REST: variants seen among roughly 807,000 people sequenced by gnomAD.
REST encodes the protein RE1-silencing transcription factor.
REST carries 1 observed loss-of-function variant against 30.4 expected under a neutral mutation model. That is an observed-to-expected ratio of 0.03 (90% confidence interval 0.01 to 0.16). The LOEUF is 0.16. REST is among the 10% of genes least tolerant of loss of function. The pLI is 1.00. For synonymous variants in REST, 504 were observed against 451.1 expected, an observed-to-expected ratio of 1.12 and a Z score of -1.49; for missense variants, 1,259 against 1,329.5, an observed-to-expected ratio of 0.95 and a Z score of 0.82.
chr4:56,908,607 G>A (rs1719733930), intron 1 of REST, among the ~76,000 whole-genome samples: 1 of 152,122 alleles, frequency 6.6e-6, no homozygotes, highest in Non-Finnish European at 1.5e-5. Context: ...GGGTCCCACC[G>A]CAGCCCCGCG....
chr4:56,913,577 G>A (rs1720032871), intron 2 of REST, among the ~76,000 whole-genome samples: 1 of 152,132 alleles, frequency 6.6e-6, no homozygotes, highest in Admixed American at 6.5e-5. Flanking sequence ...TGACAGGACT[G>A]AACCCCACTG....
In REST at chr4:56,930,210, C is replaced by T; in HGVS notation, c.1352C>T (p.Thr451Ile). Residue 451 changes from threonine (T) to isoleucine (I), a missense_variant, in exon 4 of 4, where the codon ACA (threonine) becomes ATA (isoleucine). Thr to Ile is a moderately conservative substitution (Grantham distance 89). Transcript: ENST00000309042. Reference protein sequence around the residue: ...ITNEKTEIEQTKIKGDVAGKK... With the variant: ...ITNEKTEIEQIKIKGDVAGKK... Reference sequence around the variant, plus strand: ...AATGAAAAAACAGAAATAGAACAAACAAAAATAAAAGGGGATGTGGCTGGA... The same window carrying T: ...AATGAAAAAACAGAAATAGAACAAATAAAAATAAAAGGGGATGTGGCTGGA... The T allele has an allele frequency of 2.5e-6, 4 of 1,605,756 alleles. No homozygotes were observed. The highest frequency in any genetic ancestry group is 3.4e-6 in the Non-Finnish European group (4 of 1,178,180).
intron 2 of REST, among the ~76,000 whole-genome samples, chr4:56,916,750 C>T (rs1451350166): frequency 2.6e-5 from 4 of 152,168 alleles, no homozygotes; most frequent in Non-Finnish European, 5.9e-5. Context: ...ATATGCAGTT[C>T]ACTATATATT....
chr4:56,912,657 G>C (rs988976334), intron 2 of REST, among the ~76,000 whole-genome samples: 3 of 152,068 alleles, frequency 2.0e-5, no homozygotes, highest in African/African-American at 7.2e-5. Flanking sequence ...TGGGACTATA[G>C]GTGCCCACCA....
chr4:56,929,452 C>T (rs6826911), intron 3 of REST, among the ~76,000 whole-genome samples: 3,962 of 152,234 alleles, frequency 0.026, 187 homozygotes, highest in African/African-American at 0.091. Context: ...TGCACCTGGC[C>T]AGAATTTTAT....
intron 3 of REST, 64 bp downstream of exon 3, chr4:56,919,934 T>C: frequency 1.3e-6 from 1 of 782,872 alleles, no homozygotes. Context: ...GAAATTCTTT[T>C]AGACTTGTAA....
At chr4:56,925,538 C>G (rs971737809) in intron 3 of REST, among the ~76,000 whole-genome samples, 1 of 152,082 alleles carries the variant, frequency 6.6e-6, no homozygotes, top group African/African-American at 2.4e-5. Context: ...ATTTTTGATA[C>G]GTATGTGTAA....
chr4:56,924,189 T>C (rs1331867260), intron 3 of REST, among the ~76,000 whole-genome samples: 2 of 152,196 alleles, frequency 1.3e-5, no homozygotes, highest in East Asian at 1.9e-4. Context: ...GTTGATAACG[T>C]TGGTGCCAAG....
At chr4:56,910,503 A>C (rs1719843402) in intron 1 of REST, 127 bp from the exon 2 acceptor site, 1 of 715,910 alleles carries the variant, frequency 1.4e-6, no homozygotes, top group African/African-American at 1.8e-5. Flanking sequence ...TAGGCGATGA[A>C]GTTTACTGAG....
Position 56,931,367 on chromosome 4 carries a change from C to T in REST, c.2509C>T (p.Leu837Phe). The stretch of plus-strand genomic sequence containing the variant: ...TGAAAGGGCACGGAAGGAGCAAGTC[C>T]TTATTGAAGTTGGCTTAGTGCCTGT... ...QSERARKEQV[L>F]IEVGLVPVKD... Residue 837 changes from leucine (L) to phenylalanine (F), a missense_variant, in exon 4 of 4, where the codon CTT becomes TTT. Transcript: ENST00000309042. The T allele has an allele frequency of 1.9e-6, 3 of 1,614,226 alleles. No homozygotes were observed. Among genetic ancestry groups the T allele is most frequent in the Non-Finnish European group, 2.5e-6 (3 of 1,180,052 alleles).
chr4:56,929,010 C>T (rs933143620), intron 3 of REST, among the ~76,000 whole-genome samples: 4 of 152,046 alleles, frequency 2.6e-5, no homozygotes, highest in South Asian at 2.1e-4. Flanking sequence ...GCGGTCCTCC[C>T]GCCTTTGCCT....
In REST at chr4:56,918,308, A is replaced by G. The variant is rs892295153; in HGVS notation, c.899-1479A>G. On this transcript the variant is annotated intron_variant, in intron 2 of 3. Transcript: ENST00000309042. ...GAAGTTCGAGACCAGTCTGGGCAAC[A>G]TGGCAAAACCTGGTCTCTACCCAAA... Among the ~76,000 whole-genome samples the G allele has an allele frequency of 4.0e-5, 6 of 150,764 alleles. No individual in the cohort carries two copies. In the South Asian group the frequency reaches 1.3e-3, roughly 32 times the overall value.
intron 2 of REST, among the ~76,000 whole-genome samples, chr4:56,917,993 A>G (rs1003489193): frequency 6.9e-6 from 1 of 144,830 alleles, no homozygotes; most frequent in Non-Finnish European, 1.5e-5. Flanking sequence ...CATAGCTTGC[A>G]GTGAGCCGAG....
intron 3 of REST, chr4:56,927,724 G>T: frequency 4.1e-6 from 3 of 732,066 alleles, no homozygotes; most frequent in East Asian, 8.2e-5. Context: ...GGGGGTTCTG[G>T]TTTTTTATGT....
Position 56,931,040 on chromosome 4 carries a change from C to T in REST, c.2182C>T (p.Pro728Ser), listed in dbSNP as rs572960260. The change falls in exon 4 of 4, where the codon CCT (proline) becomes TCT (serine). Residue 728 changes from proline to serine, a missense_variant. By Grantham distance (74) the Pro-to-Ser change is moderately conservative. Coordinates refer to ENST00000309042, the MANE Select transcript of REST (RefSeq NM_005612.5). ...TCCCATGCAGGTGGTCCAGAAGGAGCCTGTTCAGATGGAGCTGTCTCCTCC... is the reference window on the plus strand; with the variant it reads ...TCCCATGCAGGTGGTCCAGAAGGAGTCTGTTCAGATGGAGCTGTCTCCTCC... ...SAPMQVVQKEPVQMELSPPME... is the reference protein window; with the variant it reads ...SAPMQVVQKESVQMELSPPME... 1.2e-6 allele frequency: 2 copies of T among 1,613,916 alleles called. No homozygotes were observed. The highest frequency in any genetic ancestry group is 1.7e-6 in the Non-Finnish European group (2 of 1,179,872).
intron 3 of REST, among the ~76,000 whole-genome samples, chr4:56,922,725 C>A (rs1394005210): frequency 6.6e-6 from 1 of 152,194 alleles, no homozygotes; most frequent in Non-Finnish European, 1.5e-5. Flanking sequence ...AAAAATACGA[C>A]CTTTTTTCCT....
chr4:56,913,178 A>G (rs1426321007), intron 2 of REST, among the ~76,000 whole-genome samples: 1 of 151,846 alleles, frequency 6.6e-6, no homozygotes, highest in Non-Finnish European at 1.5e-5. Context: ...TCATTTATTG[A>G]TTTATTTGAG....
chr4:56,927,589 T>G (rs190386937), intron 3 of REST: 305 of 1,003,390 alleles, frequency 3.0e-4, no homozygotes, highest in Non-Finnish European at 1.1e-4. Flanking sequence ...ATTTCCGTTT[T>G]TCTACTATGC....
rs1288824485 is a variant in REST, at chr4:56,911,021, C to T, written c.383C>T (p.Ser128Leu). 1 of 1,614,042 alleles carries T rather than the reference C, an allele frequency of 6.2e-7. No individual in the cohort carries two copies. The highest frequency in any genetic ancestry group is 1.3e-5 in the African/African-American group (1 of 74,910). Residue 128 changes from serine (S) to leucine (L), a missense_variant, in exon 2 of 4, where the codon TCA becomes TTA. Physicochemically the swap from Ser to Leu is moderately radical, Grantham distance 145 (BLOSUM62 -2). This residue lies in a region of REST where 249 missense variants were observed against 251.5 expected (regional missense o/e 0.99). Transcript: ENST00000309042. The part of the protein sequence containing the change: ...VVEPQPVFEA[S>L]GAPDIYSSNK... Reference sequence around the variant, plus strand: ...GAACCTCAGCCTGTATTTGAGGCATCAGGTGCTCCAGATATTTACAGTTCA... The same window carrying T: ...GAACCTCAGCCTGTATTTGAGGCATTAGGTGCTCCAGATATTTACAGTTCA...
Sources: gnomAD v4.1 joint callset for allele counts (sites outside exome capture counted in the v4.1 genomes callset) on GRCh38, gnomAD v4.1.1 for gene constraint, gnomAD v4.1.1 regional missense constraint, MANE v1.5 for transcripts, NCBI Gene and HGNC (gene_info 2026-07-23, HGNC 2026-07-21) for gene names.